SAFB: variants seen among roughly 807,000 people sequenced by gnomAD.
SAFB encodes the protein scaffold attachment factor B.
In SAFB, 15 loss-of-function variants were observed where a neutral mutation model predicts 101.6. That is an observed-to-expected ratio of 0.15 (90% CI 0.10 to 0.23). The LOEUF (loss-of-function observed/expected upper bound fraction) is 0.23. Ranked by LOEUF, SAFB falls within the 10% of genes least tolerant of loss-of-function variation. SAFB has a pLI of 1.00. For missense variants in SAFB, 930 were observed against 1,104.1 expected, an observed-to-expected ratio of 0.84 and a Z score of 2.23; for synonymous variants, 449 against 407.5, an observed-to-expected ratio of 1.10 and a Z score of -1.23.
chr19:5,623,329 G>C lies in SAFB; in HGVS notation c.124G>C (p.Glu42Gln). ...CCTGCGAGTGATCGATCTGCGGGCG[G>C]AGCTGAGGAAACGGAATGTGGACTC... ...SDLRVIDLRA[E>Q]LRKRNVDSSG... Residue 42 changes from glutamate (E) to glutamine (Q), a missense_variant, in exon 1 of 21, where the codon GAG becomes CAG. Glu to Gln is a conservative substitution (Grantham distance 29, BLOSUM62 2). Coordinates refer to ENST00000588852, the MANE Select transcript of SAFB (RefSeq NM_001201338.2). The C allele has an allele frequency of 1.2e-6, 2 of 1,614,086 alleles. No individual in the cohort carries two copies. The highest frequency in any genetic ancestry group is 8.5e-7 in the Non-Finnish European group (1 of 1,179,936).
intron 4 of SAFB, among the ~76,000 whole-genome samples, chr19:5,642,849 G>A (rs940117474): frequency 9.9e-5 from 15 of 151,716 alleles, no homozygotes; most frequent in African/African-American, 3.6e-4. Context: ...TGTATCTTTA[G>A]TAGAGACGGT....
chr19:5,638,151 C>G (rs547614526), intron 2 of SAFB, among the ~76,000 whole-genome samples: 1 of 152,178 alleles, frequency 6.6e-6, no homozygotes, highest in African/African-American at 2.4e-5. Flanking sequence ...TGAACTGTTG[C>G]AAATGTTATA....
chr19:5,654,010 G>A, intron 11 of SAFB, 51 bp from the exon 12 acceptor site: 1 of 1,587,856 alleles, frequency 6.3e-7, no homozygotes, highest in Non-Finnish European at 8.6e-7. Flanking sequence ...CAAAGTGCTG[G>A]GAATACAGGC....
chr19:5,666,873 C>G, intron 17 of SAFB, 173 bp from the exon 18 acceptor site: 1 of 711,246 alleles, frequency 1.4e-6, no homozygotes, highest in South Asian at 1.6e-5. Flanking sequence ...GGCACAGGGC[C>G]TCTGGCCTGC....
Position 5,667,669 on chromosome 19 carries a change from G to C in SAFB, c.2558-151G>C, listed in dbSNP as rs747770255. The C allele has an allele frequency of 1.3e-6, 1 of 760,882 alleles. No individual in the cohort carries two copies. Among genetic ancestry groups the C allele is most frequent in the East Asian group, 2.7e-5 (1 of 36,960 alleles). 47.1% of individuals were successfully genotyped at this position (760,882 alleles called of 1,614,324 possible). ...TCTCTCTGCTGGGAGGAAGCTGGAC[G>C]TCTATGGTCCCTGTGCCCAGGTGTC... On this transcript the variant is annotated intron_variant, in intron 19 of 20. Coordinates refer to ENST00000588852, the MANE Select transcript of SAFB (RefSeq NM_001201338.2). The surrounding 1 kb of genome is among the most constrained non-coding windows in gnomAD (Gnocchi z 4.0).
At chr19:5,632,428 A>G (rs1296768224) in intron 2 of SAFB, among the ~76,000 whole-genome samples, 2 of 152,200 alleles carry the variant, frequency 1.3e-5, no homozygotes, top group Non-Finnish European at 2.9e-5. Context: ...CAGTAAAGTA[A>G]GGATATTACC....
Position 5,653,732 on chromosome 19 carries a change from G to A in SAFB, c.1526+312G>A, listed in dbSNP as rs1276700765. Among the ~76,000 whole-genome samples, 8 of 150,174 alleles carry A rather than the reference G, an allele frequency of 5.3e-5. No homozygotes were observed. The East Asian group carries it at 8.0e-4, about 15-fold the overall frequency. ...CCTGCCTCGGCCTCCCAAAGTGCTC[G>A]GATTACAGGCGTGAGCCACCATGCC... is the stretch of plus-strand genomic sequence containing the variant. On this transcript the variant is annotated intron_variant, in intron 11 of 20. Transcript: ENST00000588852.
At chr19:5,627,881 C>A (rs1458660029) in intron 2 of SAFB, among the ~76,000 whole-genome samples, 2 of 152,186 alleles carry the variant, frequency 1.3e-5, no homozygotes, top group African/African-American at 2.4e-5. Flanking sequence ...TTGATGAGGA[C>A]TAGGGCTGTG....
chr19:5,664,337 CCT>C (rs2054282666), intron 16 of SAFB, 58 bp from the exon 17 acceptor site: 15 of 1,517,506 alleles, frequency 9.9e-6, no homozygotes, highest in Non-Finnish European at 1.8e-6. Flanking sequence ...GCCTGATGGT[CCT>C]CTCTTTGTGA....
intron 14 of SAFB, among the ~76,000 whole-genome samples, chr19:5,660,704 CAAAAAAAAA>C (rs60011056): frequency 1.0e-3 from 77 of 76,590 alleles, no homozygotes; most frequent in Middle Eastern, 6.6e-3. Flanking sequence ...CCATCTCTAC[CAAAAAAAAA>C]AAAAAAAAAA....
At position 5,668,401 on chromosome 19, in the gene SAFB, CAATA is replaced by C. The variant is rs1206069131; in HGVS notation, c.*111_*114del. On this transcript the variant is annotated 3_prime_UTR_variant, in exon 21 of 21. Coordinates refer to ENST00000588852, the MANE Select transcript of SAFB (RefSeq NM_001201338.2). ...TTTAATCTGCTGCCATATTGTAGCTCAATACAATGTGAATTTGTTTTTCGTTTTG... is the reference window on the plus strand; with the variant it reads ...TTTAATCTGCTGCCATATTGTAGCTCCAATGTGAATTTGTTTTTCGTTTTG... 1 of 1,155,836 alleles carries C rather than the reference CAATA, an allele frequency of 8.7e-7. No homozygotes were observed. Among genetic ancestry groups the C allele is most frequent in the African/African-American group, 1.7e-5 (1 of 60,600 alleles). 71.6% of individuals were successfully genotyped at this position (1,155,836 alleles called of 1,614,324 possible).
chr19:5,631,669 T>C (rs962074059), intron 2 of SAFB, among the ~76,000 whole-genome samples: 9 of 152,310 alleles, frequency 5.9e-5, no homozygotes, highest in Admixed American at 2.0e-4. Flanking sequence ...ATTGTCACTT[T>C]AACATTTTTT....
chr19:5,657,136 C>G (rs1237113211), intron 13 of SAFB, 105 bp from the exon 14 acceptor site: 1 of 730,810 alleles, frequency 1.4e-6, no homozygotes. Flanking sequence ...AATTCCCAAT[C>G]TCAAGTGATC....
intron 9 of SAFB, among the ~76,000 whole-genome samples, chr19:5,652,297 C>T (rs772134856): frequency 1.5e-4 from 23 of 152,180 alleles, no homozygotes; most frequent in Admixed American, 1.1e-3. Context: ...GCAACACCTG[C>T]GCCAAGTCTC....
chr19:5,631,135 A>G (rs948791169), intron 2 of SAFB, among the ~76,000 whole-genome samples: 3 of 152,208 alleles, frequency 2.0e-5, no homozygotes, highest in Non-Finnish European at 4.4e-5. Context: ...GGTTGCAGTG[A>G]GCTGAGATCA....
intron 13 of SAFB, among the ~76,000 whole-genome samples, chr19:5,654,659 C>T (rs2145464132): frequency 6.6e-6 from 1 of 152,322 alleles, no homozygotes; most frequent in South Asian, 2.1e-4. Context: ...TCTTGGCTCA[C>T]TCCAACCTCC....
In SAFB at chr19:5,641,904, G is replaced by A. The variant is rs759202406; in HGVS notation, c.504G>A (p.Glu168=). ...ESLSDSRELV[E]GEMKELPEQL... ...TGTCGGATAGTAGAGAGCTAGTCGA[G>A]GGGGAAATGAAAGAGCTTCCGGAGC... The change falls in exon 4 of 21, where the codon GAG becomes GAA. Residue 168 remains glutamate, a synonymous_variant. Coordinates refer to ENST00000588852, the MANE Select transcript of SAFB (RefSeq NM_001201338.2). 2.5e-6 allele frequency: 4 copies of A among 1,614,020 alleles called. No homozygotes were observed. In the African/African-American group the frequency reaches 4.0e-5, roughly 16 times the overall value.
intron 9 of SAFB, among the ~76,000 whole-genome samples, chr19:5,652,661 A>G (rs1187804293): frequency 6.6e-6 from 1 of 152,168 alleles, no homozygotes; most frequent in Non-Finnish European, 1.5e-5. Flanking sequence ...GTTACAGTCA[A>G]TGATAGGGCA....
At chr19:5,624,833 C>T (rs1352679341) in intron 1 of SAFB, among the ~76,000 whole-genome samples, 1 of 152,060 alleles carries the variant, frequency 6.6e-6, no homozygotes, top group African/African-American at 2.4e-5. Flanking sequence ...GGCAGGAAGC[C>T]CACTGATCTA....
Sources: allele counts gnomAD v4.1 joint callset (sites outside exome capture counted in the v4.1 genomes callset), GRCh38; gene constraint gnomAD v4.1.1; non-coding constraint Gnocchi (gnomAD v3.1); transcripts MANE v1.5; gene names NCBI Gene and HGNC (gene_info 2026-07-23, HGNC 2026-07-21).